Variants in ANKRD28 observed in about 807,000 individuals in gnomAD.
ANKRD28 encodes ankyrin repeat domain 28, also known as serine/threonine-protein phosphatase 6 regulatory ankyrin repeat subunit A.
Under a neutral mutation model 126.5 loss-of-function variants are expected in ANKRD28, and 44 were observed. That is an observed-to-expected ratio of 0.35 (90% CI 0.27 to 0.45). The LOEUF is 0.45. ANKRD28 is among the 20% of genes least tolerant of loss of function. The probability of loss-of-function intolerance (pLI) is 1.00; values close to 1 mark genes in which losing one functional copy is unlikely to be tolerated. For missense variants in ANKRD28, 1,110 were observed against 1,316.6 expected (o/e 0.84, Z 2.43); for synonymous variants, 442 against 468.5 (o/e 0.94, Z 0.73).
chr3:15,806,368 TTG>T (rs1575741697), intron 1 of ANKRD28, among the ~76,000 whole-genome samples: 4 of 152,336 alleles, frequency 2.6e-5, no homozygotes, highest in African/African-American at 7.2e-5. Flanking sequence ...TAGAAATTTT[TTG>T]TGTGTCTGTG....
At position 15,814,834 on chromosome 3, in the gene ANKRD28, C is replaced by T. The variant is rs933493026; in HGVS notation, c.28-19528G>A. On this transcript the variant is annotated intron_variant, in intron 1 of 27. Transcript: ENST00000399451. This position sits in a 1 kb window ranked among gnomAD's most constrained non-coding sequence, Gnocchi z 4.7. ...AGTAATACATAAATTTAAGAAATCA[C>T]TGCAATATCTCTCAAAGAAAACTCT... Among the ~76,000 whole-genome samples, 10 of 149,796 alleles carry T rather than the reference C, an allele frequency of 6.7e-5. No individual in the cohort carries two copies. The highest frequency in any genetic ancestry group is 2.4e-4 in the African/African-American group (10 of 41,120).
At chr3:15,790,002 G>A (rs941334992) in intron 2 of ANKRD28, among the ~76,000 whole-genome samples, 1 of 152,016 alleles carries the variant, frequency 6.6e-6, no homozygotes, top group Non-Finnish European at 1.5e-5. Flanking sequence ...GCTTGTTAGT[G>A]GTTACTGTAA....
At chr3:15,710,800 T>C (rs915785374) in intron 12 of ANKRD28, among the ~76,000 whole-genome samples, 3 of 151,962 alleles carry the variant, frequency 2.0e-5, no homozygotes, top group Admixed American at 1.3e-4. Flanking sequence ...CTAGTAGAGG[T>C]AAGACACAGC....
chr3:15,814,183 TA>T lies in ANKRD28; in HGVS notation c.28-18878del. 1 of 996,812 alleles carries T rather than the reference TA, an allele frequency of 1.0e-6. No individual in the cohort carries two copies. The highest frequency in any genetic ancestry group is 1.9e-5 in the South Asian group (1 of 52,442). 61.7% of individuals were successfully genotyped at this position (996,812 alleles called of 1,614,324 possible). On this transcript the variant is annotated intron_variant, in intron 1 of 27. Coordinates refer to the ANKRD28 transcript ENST00000399451. The surrounding 1 kb of genome is among the most constrained non-coding windows in gnomAD (Gnocchi z 4.7). ...CAAGGAGGCTTAAACAGCAACAAAC[TA>T]ACAAATTACAAGAGCTGCCTATATT... is the stretch of plus-strand genomic sequence containing the variant.
intron 15 of ANKRD28, among the ~76,000 whole-genome samples, chr3:15,695,590 T>G (rs1156419423): frequency 6.6e-6 from 1 of 152,180 alleles, no homozygotes; most frequent in African/African-American, 2.4e-5. Context: ...ATCTTTAACC[T>G]AAAGTATCTG....
chr3:15,797,425 G>A lies in ANKRD28; in HGVS notation c.-904C>T. 1.0e-6 allele frequency: 1 copy of A among 985,404 alleles called. No homozygotes were observed. Among genetic ancestry groups the A allele is most frequent in the Non-Finnish European group, 1.2e-6 (1 of 829,968 alleles). The allele number at this position is 985,404 out of a possible 1,614,324, so 61.0% of individuals were successfully genotyped here. ...CTTTCTCCATCAGGCAGTTGTCTGT[G>A]GCTGCTCCAGCAAAAGGGCACAGGC... On this transcript the variant is annotated 5_prime_UTR_variant, in exon 1 of 28. Coordinates refer to ENST00000683139, the MANE Select transcript of ANKRD28 (RefSeq NM_001349278.2).
intron 1 of ANKRD28, among the ~76,000 whole-genome samples, chr3:15,828,323 T>G (rs2061114410): frequency 6.6e-6 from 1 of 152,128 alleles, no homozygotes; most frequent in African/African-American, 2.4e-5. Flanking sequence ...AAGTTAGGGC[T>G]GGACGCGGTG....
Position 15,774,293 on chromosome 3 carries a change from G to A in ANKRD28, c.202-7981C>T, listed in dbSNP as rs562325280. 1.2e-4 allele frequency among the ~76,000 whole-genome samples: 18 copies of A among 152,250 alleles called. 1 individual carries two copies. In the South Asian group the frequency reaches 2.9e-3, roughly 25 times the overall value. ...CATCAAAATGAGACTTTTGTACTGAGAAAGACATAGTTAAGAGGATAAAAA... is the reference window on the plus strand; with the variant it reads ...CATCAAAATGAGACTTTTGTACTGAAAAAGACATAGTTAAGAGGATAAAAA... On this transcript the variant is annotated intron_variant, in intron 2 of 27. Coordinates refer to ENST00000683139, the MANE Select transcript of ANKRD28 (RefSeq NM_001349278.2).
At chr3:15,696,856 A>AACCACTAT (rs1480966366) in intron 14 of ANKRD28, among the ~76,000 whole-genome samples, 4 of 152,178 alleles carry the variant, frequency 2.6e-5, no homozygotes, top group Non-Finnish European at 4.4e-5. Flanking sequence ...CTATATGTAA[A>AACCACTAT]ACCACTATGG....
At chr3:15,690,368 T>A in intron 17 of ANKRD28, 148 bp from the exon 18 acceptor site, 1 of 667,968 alleles carries the variant, frequency 1.5e-6, no homozygotes, top group Non-Finnish European at 2.5e-6. Flanking sequence ...TTCAGGAAGT[T>A]AACTACAGAT....
intron 1 of ANKRD28, among the ~76,000 whole-genome samples, chr3:15,827,274 C>T (rs1187565198): frequency 6.6e-6 from 1 of 152,004 alleles, no homozygotes; most frequent in Non-Finnish European, 1.5e-5. Context: ...GGGTATATAA[C>T]CAAAAGAAAT....
chr3:15,700,907 A>C (rs1315447197), intron 14 of ANKRD28, among the ~76,000 whole-genome samples: 1 of 152,212 alleles, frequency 6.6e-6, no homozygotes, highest in African/African-American at 2.4e-5. Context: ...TATTCATTTG[A>C]TACATGGAGA....
intron 4 of ANKRD28, among the ~76,000 whole-genome samples, chr3:15,749,293 T>A (rs1243665973): frequency 6.6e-6 from 1 of 151,018 alleles, no homozygotes; most frequent in Admixed American, 6.6e-5. Context: ...TGTATTTTTT[T>A]AGTAGAGACG....
intron 1 of ANKRD28, among the ~76,000 whole-genome samples, chr3:15,836,182 T>G (rs2061322833): frequency 6.6e-6 from 1 of 152,118 alleles, no homozygotes; most frequent in South Asian, 2.1e-4. Context: ...TCTTTCTTCT[T>G]TAAAAGATAA....
chr3:15,725,165 C>T (rs1242813894), intron 6 of ANKRD28, among the ~76,000 whole-genome samples: 1 of 152,042 alleles, frequency 6.6e-6, no homozygotes, highest in Non-Finnish European at 1.5e-5. Context: ...AAATGCAGTA[C>T]AACAACTATT....
intron 7 of ANKRD28, among the ~76,000 whole-genome samples, chr3:15,721,609 G>C (rs1054919261): frequency 2.0e-5 from 3 of 151,964 alleles, no homozygotes; most frequent in Admixed American, 6.6e-5. Context: ...AAAAATGAAC[G>C]GCATGTTCTA....
chr3:15,718,165 T>A (rs1214436492), intron 8 of ANKRD28, among the ~76,000 whole-genome samples: 1 of 152,202 alleles, frequency 6.6e-6, no homozygotes, highest in Non-Finnish European at 1.5e-5. Context: ...CAACATATTG[T>A]GTGTAAGAGC....
chr3:15,802,373 C>T (rs564571398), upstream of ANKRD28, among the ~76,000 whole-genome samples: 6 of 152,234 alleles, frequency 3.9e-5, no homozygotes, highest in South Asian at 1.2e-3. Context: ...TACTTTCTGA[C>T]TTTTATGTTA....
chr3:15,813,483 A>G (rs192384088), intron 1 of ANKRD28, among the ~76,000 whole-genome samples: 174 of 152,356 alleles, frequency 1.1e-3, no homozygotes, highest in African/African-American at 4.0e-3. Context: ...AGTCTACTTG[A>G]TATCAAATGG....
Sources: gnomAD v4.1 joint callset for allele counts (sites outside exome capture counted in the v4.1 genomes callset) on GRCh38, gnomAD v4.1.1 for gene constraint, Gnocchi (gnomAD v3.1) non-coding constraint, MANE v1.5 for transcripts, NCBI Gene and HGNC (gene_info 2026-07-23, HGNC 2026-07-21) for gene names.